The following CHD1L variants were observed in gnomAD, a reference collection of about 807,000 sequenced individuals.
CHD1L encodes the protein chromodomain helicase DNA binding protein 1 like.
A neutral mutation model predicts 115.9 loss-of-function variants in CHD1L; 118 were observed. The observed-to-expected ratio is 1.02, with a 90% CI of 0.88 to 1.19. The LOEUF is 1.19. CHD1L is among the 50% of genes most tolerant of loss of function. The pLI is 0.00. For synonymous variants in CHD1L, 411 were observed against 387.1 expected (o/e 1.06, Z -0.72); for missense variants, 1,179 against 1,065.3 (o/e 1.11, Z -1.49).
At chr1:147,236,982 T>G in the CHD1L span, among the ~76,000 whole-genome samples, 2 of 152,140 alleles carry the variant, frequency 1.3e-5, no homozygotes, top group African/African-American at 4.8e-5. Flanking sequence ...CTGCTGGCAT[T>G]CACAGCACCC....
At chr1:147,274,927 G>A (rs1677741559) in intron 12 of CHD1L, among the ~76,000 whole-genome samples, 1 of 152,116 alleles carries the variant, frequency 6.6e-6, no homozygotes, top group Non-Finnish European at 1.5e-5. Context: ...ACTTGCAAGC[G>A]ACATTCGGCA....
In CHD1L at chr1:147,242,702, C is replaced by A. The variant is rs782474002; in HGVS notation, c.-2C>A. The A allele has an allele frequency of 4.8e-6, 6 of 1,260,056 alleles. No homozygotes were observed. Among genetic ancestry groups the A allele is most frequent in the Admixed American group, 7.7e-5 (2 of 25,838 alleles). The allele number at this position is 1,260,056 out of a possible 1,614,324, so 78.1% of individuals were successfully genotyped here. A position where few individuals can be genotyped will look rare whatever the true frequency, so the allele number is the denominator to read the frequency against. ...GCGCGGGGCGGGGCCTCTACCGGCC[C>A]GATGGAGCGCGCGGGCGCTACTAGC... On this transcript the variant is annotated 5_prime_UTR_variant, in exon 1 of 23. Transcript: ENST00000369258.
At position 147,284,481 on chromosome 1, in the gene CHD1L, A is replaced by C. The variant is rs782335142; in HGVS notation, c.1836A>C (p.Ser612=). 8.1e-6 allele frequency: 13 copies of C among 1,598,620 alleles called. No individual in the cohort carries two copies. The highest frequency in any genetic ancestry group is 1.1e-5 in the Non-Finnish European group (13 of 1,175,602). Residue 612 remains serine, a synonymous_variant, in exon 16 of 23, where the codon TCA becomes TCC. Coordinates refer to ENST00000369258, the MANE Select transcript of CHD1L (RefSeq NM_004284.6). ...LLEKASQEGR[S]LRNKGSVLIP... is the part of the protein sequence containing the mutation. ...AGAAAGCTAGTCAAGAGGGCCGATCACTCCGAAATAAAGGCAGTGTAAGAA... is the reference window on the plus strand; with the variant it reads ...AGAAAGCTAGTCAAGAGGGCCGATCCCTCCGAAATAAAGGCAGTGTAAGAA...
At chr1:147,275,981 C>T (rs371523673) in intron 13 of CHD1L, 123 bp from the exon 14 acceptor site, 1 of 937,392 alleles carries the variant, frequency 1.1e-6, no homozygotes, top group East Asian at 2.4e-5. Context: ...AACCAATCTC[C>T]CTTTCATTGT....
chr1:147,214,501 C>T, the CHD1L span, among the ~76,000 whole-genome samples: 1 of 151,508 alleles, frequency 6.6e-6, no homozygotes, highest in African/African-American at 2.4e-5. Flanking sequence ...CCCCTGCATG[C>T]ACTAGCAATC....
rs1553937191 is a variant in CHD1L, at chr1:147,252,635, G to A, written c.140G>A (p.Arg47His). The change falls in exon 2 of 23, where the codon CGC (arginine) becomes CAC (histidine). Residue 47 changes from arginine (R) to histidine (H), a missense_variant. By Grantham distance (29) the Arg-to-His change is conservative. Transcript: ENST00000369258. ...TTTTTGTTTCTAGGGATTCACCTAC[G>A]CTCTTACCAGCTGGAGGGAGTAAAC... ...RQWGLTGIHL[R>H]SYQLEGVNWL... 5 of 1,613,686 alleles carry A rather than the reference G, an allele frequency of 3.1e-6. No individual in the cohort carries two copies. The highest frequency in any genetic ancestry group is 3.3e-5 in the Admixed American group (2 of 60,006).
intron 15 of CHD1L, 100 bp downstream of exon 15, chr1:147,280,291 T>C (rs1553961086): frequency 8.1e-7 from 1 of 1,233,798 alleles, no homozygotes; most frequent in Non-Finnish European, 1.1e-6. Context: ...GGGCATCTTT[T>C]TTCTCCCTTA....
At chr1:147,287,798 T>C in intron 19 of CHD1L, 65 bp downstream of exon 19, 1 of 1,352,678 alleles carries the variant, frequency 7.4e-7, no homozygotes, top group East Asian at 2.3e-5. Context: ...CCTAAGACTG[T>C]ATCGTGAGGG....
intron 7 of CHD1L, among the ~76,000 whole-genome samples, chr1:147,265,344 C>T (rs1051224591): frequency 6.6e-6 from 1 of 152,152 alleles, no homozygotes; most frequent in African/African-American, 2.4e-5. Flanking sequence ...ATGGGACACA[C>T]TTGTGTTAAA....
the CHD1L span, among the ~76,000 whole-genome samples, chr1:147,232,080 C>G: frequency 6.6e-6 from 1 of 152,202 alleles, no homozygotes; most frequent in Admixed American, 6.5e-5. Context: ...CTCCACCCCC[C>G]AGAGGCCACT....
chr1:147,190,813 C>T, the CHD1L span, among the ~76,000 whole-genome samples: 5 of 152,052 alleles, frequency 3.3e-5, no homozygotes, highest in East Asian at 3.9e-4. Flanking sequence ...AGGTATATCT[C>T]GTAATGCTAT....
chr1:147,227,475 G>A, the CHD1L span, among the ~76,000 whole-genome samples: 1 of 152,070 alleles, frequency 6.6e-6, no homozygotes, highest in Non-Finnish European at 1.5e-5. Context: ...ATAATTAATT[G>A]CTTTTGAATA....
chr1:147,215,741 C>T, the CHD1L span: 15 of 1,574,380 alleles, frequency 9.5e-6, no homozygotes, highest in Admixed American at 2.1e-4. Context: ...AAGATACCCA[C>T]ACAATTTTCT....
chr1:147,176,602 CT>C, the CHD1L span, among the ~76,000 whole-genome samples: 2 of 152,168 alleles, frequency 1.3e-5, no homozygotes, highest in Non-Finnish European at 2.9e-5. Flanking sequence ...TACTACAACT[CT>C]AAATAGATAT....
the CHD1L span, among the ~76,000 whole-genome samples, chr1:147,233,847 G>T: frequency 6.6e-6 from 1 of 151,718 alleles, no homozygotes; most frequent in Non-Finnish European, 1.5e-5. Context: ...GGGTTAAATG[G>T]GTTAAGGGCG....
the CHD1L span, among the ~76,000 whole-genome samples, chr1:147,196,519 A>T: frequency 0.037 from 5,599 of 151,984 alleles, 157 homozygotes; most frequent in South Asian, 0.095. Context: ...CCTATCTATT[A>T]CCCTATCTGT....
chr1:147,199,944 T>G, the CHD1L span, among the ~76,000 whole-genome samples: 1 of 152,108 alleles, frequency 6.6e-6, no homozygotes, highest in African/African-American at 2.4e-5. Flanking sequence ...AATAGCAAAT[T>G]TTGTTATAAC....
Position 147,280,087 on chromosome 1 carries a change from A to T in CHD1L, c.1601A>T (p.Asp534Val). ...KLLASEGSTM[D>V]EIDLESILGE... ...CTGGCCTCTGAGGGGAGCACCATGG[A>T]TGAAATAGACCTGGAGTCCATCCTG... Residue 534 changes from aspartate to valine, a missense_variant, in exon 15 of 23, where the codon GAT (aspartate) becomes GTT (valine). Transcript: ENST00000369258. 2 of 1,614,102 alleles carry T rather than the reference A, an allele frequency of 1.2e-6. No homozygotes were observed. The highest frequency in any genetic ancestry group is 1.7e-6 in the Non-Finnish European group (2 of 1,180,006).
the CHD1L span, chr1:147,210,229 T>C: frequency 6.6e-6 from 1 of 152,172 alleles, no homozygotes; most frequent in African/African-American, 2.4e-5. Context: ...TTAAGAAATG[T>C]TTGATTGATT....
Sources: gnomAD v4.1 joint callset for allele counts (sites outside exome capture counted in the v4.1 genomes callset) on GRCh38, gnomAD v4.1.1 for gene constraint, MANE v1.5 for transcripts, NCBI Gene and HGNC (gene_info 2026-07-23, HGNC 2026-07-21) for gene names.